Variants in BCAR3 observed in about 807,000 individuals in gnomAD.
The protein encoded by BCAR3 is BCAR3 adaptor protein, NSP family member, also known as breast cancer anti-estrogen resistance protein 3.
In BCAR3, 37 loss-of-function variants were observed where a neutral mutation model predicts 80.1. The observed-to-expected ratio is 0.46, with a 90% CI of 0.36 to 0.61. BCAR3 has a LOEUF of 0.61. BCAR3 is among the 20% of genes least tolerant of loss of function. BCAR3 has a pLI of 0.00. For missense variants in BCAR3, 978 were observed against 1,068.2 expected (o/e 0.92, Z 1.18); for synonymous variants, 389 against 418.9 (o/e 0.93, Z 0.87).
At chr1:93,799,212 C>T (rs567990611) in intron 2 of BCAR3, among the ~76,000 whole-genome samples, 4 of 152,132 alleles carry the variant, frequency 2.6e-5, no homozygotes, top group African/African-American at 7.2e-5. Context: ...TATTTTCCCC[C>T]GTGTTTTGGG....
chr1:93,764,502 A>C (rs1025567589), intron 2 of BCAR3, among the ~76,000 whole-genome samples: 1 of 151,822 alleles, frequency 6.6e-6, no homozygotes, highest in African/African-American at 2.4e-5. Flanking sequence ...TACCCTTGTG[A>C]TATCTGTGGC....
At chr1:93,781,012 G>C (rs933098589) in intron 2 of BCAR3, among the ~76,000 whole-genome samples, 1 of 152,212 alleles carries the variant, frequency 6.6e-6, no homozygotes, top group African/African-American at 2.4e-5. Context: ...GGAACCCCAG[G>C]GGAGGGCCAG....
At chr1:93,664,726 G>A (rs1002141991) in intron 2 of BCAR3, among the ~76,000 whole-genome samples, 20 of 152,228 alleles carry the variant, frequency 1.3e-4, no homozygotes, top group Non-Finnish European at 2.6e-4. Flanking sequence ...CTTGGCAGCA[G>A]TCAGTCAAAT....
At position 93,562,210 on chromosome 1, in the gene BCAR3, A is replaced by G; in HGVS notation, c.*31T>C. ...CAAAGATGAAGCTGGGGAAACTTGAAAAGATATTCTAAAGGTTCTCTGGAG... is the reference window on the plus strand; with the variant it reads ...CAAAGATGAAGCTGGGGAAACTTGAGAAGATATTCTAAAGGTTCTCTGGAG... On this transcript the variant is annotated 3_prime_UTR_variant, in exon 12 of 12. Transcript: ENST00000260502. The G allele has an allele frequency of 1.9e-6, 3 of 1,579,950 alleles. No homozygotes were observed. Among genetic ancestry groups the G allele is most frequent in the Non-Finnish European group, 1.7e-6 (2 of 1,161,138 alleles).
chr1:93,583,984 C>T, intron 6 of BCAR3, 34 bp downstream of exon 6: 1 of 1,594,562 alleles, frequency 6.3e-7, no homozygotes, highest in Non-Finnish European at 8.6e-7. Flanking sequence ...CAGGGTAACA[C>T]TGACGTTCTC....
chr1:93,584,897 G>GTTT (rs1289952235), intron 5 of BCAR3: 53 of 866,032 alleles, frequency 6.1e-5, no homozygotes, highest in Non-Finnish European at 6.8e-5. Context: ...CAGCCAAGTT[G>GTTT]TTATGAACTT....
At chr1:93,708,871 G>C (rs765837565) in intron 2 of BCAR3, among the ~76,000 whole-genome samples, 48 of 152,304 alleles carry the variant, frequency 3.2e-4, no homozygotes, top group Non-Finnish European at 5.3e-4. Context: ...GAGGTTGGCA[G>C]GCTGTTTTAT....
chr1:93,755,754 G>A (rs1298315968), intron 2 of BCAR3, among the ~76,000 whole-genome samples: 1 of 152,164 alleles, frequency 6.6e-6, no homozygotes, highest in African/African-American at 2.4e-5. Flanking sequence ...GAGTGAAGAG[G>A]TATGTGTGTG....
intron 3 of BCAR3, among the ~76,000 whole-genome samples, chr1:93,703,490 C>G (rs1439755843): frequency 1.3e-5 from 2 of 151,212 alleles, no homozygotes; most frequent in Non-Finnish European, 2.9e-5. Context: ...TTGCTTGAGC[C>G]TAGGAGTTTG....
In BCAR3 at chr1:93,781,541, A is replaced by C. The variant is rs937238760; in HGVS notation, c.-63+64026T>G. On this transcript the variant is annotated intron_variant, in intron 2 of 13. Coordinates refer to the BCAR3 transcript ENST00000370244. ...TACATACTTATCATTTAATCTTCATACAATTGAGCAAGTTATTACACCAGC... is the reference window on the plus strand; with the variant it reads ...TACATACTTATCATTTAATCTTCATCCAATTGAGCAAGTTATTACACCAGC... Among the ~76,000 whole-genome samples, 4 of 152,364 alleles carry C rather than the reference A, an allele frequency of 2.6e-5. No homozygotes were observed. In the South Asian group the frequency reaches 8.3e-4, roughly 32 times the overall value.
chr1:93,759,470 C>T (rs998861861), intron 2 of BCAR3, among the ~76,000 whole-genome samples: 3 of 152,260 alleles, frequency 2.0e-5, no homozygotes, highest in African/African-American at 7.2e-5. Context: ...TGTTACCAAG[C>T]GGCCTCTATG....
chr1:93,825,979 G>C (rs371463143), intron 2 of BCAR3, among the ~76,000 whole-genome samples: 61 of 152,312 alleles, frequency 4.0e-4, no homozygotes, highest in Middle Eastern at 3.4e-3. Flanking sequence ...CAGAGAGTGA[G>C]AAGAAAATTC....
At chr1:93,741,961 C>T (rs931298812) in intron 2 of BCAR3, among the ~76,000 whole-genome samples, 3 of 152,224 alleles carry the variant, frequency 2.0e-5, no homozygotes, top group Admixed American at 2.0e-4. Context: ...AATCATTTGT[C>T]CATCTAACCC....
intron 3 of BCAR3, among the ~76,000 whole-genome samples, chr1:93,597,519 T>C (rs1439612763): frequency 1.3e-5 from 2 of 152,200 alleles, no homozygotes; most frequent in East Asian, 3.8e-4. Context: ...CTCGGGCAGG[T>C]GACATTAACT....
intron 2 of BCAR3, among the ~76,000 whole-genome samples, chr1:93,844,163 C>T (rs138662583): frequency 0.013 from 1,956 of 152,110 alleles, 36 homozygotes; most frequent in African/African-American, 0.045. Context: ...AAAAATTAGC[C>T]GGGTGTGGTG....
At chr1:93,649,560 A>G (rs2101917925) in intron 2 of BCAR3, among the ~76,000 whole-genome samples, 1 of 152,012 alleles carries the variant, frequency 6.6e-6, no homozygotes, top group South Asian at 2.1e-4. Flanking sequence ...AAAATCATGT[A>G]GCTGGGAAAA....
chr1:93,663,818 G>T (rs181147390), intron 2 of BCAR3, among the ~76,000 whole-genome samples: 33 of 152,334 alleles, frequency 2.2e-4, no homozygotes, highest in Admixed American at 7.2e-4. Context: ...AGCAGGTTCA[G>T]ACTGGAGTCA....
intron 2 of BCAR3, among the ~76,000 whole-genome samples, chr1:93,742,946 G>A (rs1488003042): frequency 1.3e-5 from 2 of 152,202 alleles, no homozygotes; most frequent in African/African-American, 4.8e-5. Flanking sequence ...TTCATACTGA[G>A]TAGAACTGGA....
chr1:93,602,624 G>C (rs1557855888), intron 3 of BCAR3, among the ~76,000 whole-genome samples: 1 of 152,154 alleles, frequency 6.6e-6, no homozygotes, highest in Non-Finnish European at 1.5e-5. Context: ...TTGAACCCCT[G>C]CCTTGCGTTG....
Sources: allele counts gnomAD v4.1 joint callset (sites outside exome capture counted in the v4.1 genomes callset), GRCh38; gene constraint gnomAD v4.1.1; transcripts MANE v1.5; gene names NCBI Gene and HGNC (gene_info 2026-07-23, HGNC 2026-07-21).